The following ZNF536 variants were observed in gnomAD, a reference collection of about 807,000 sequenced individuals.
ZNF536 encodes zinc finger protein 536.
In ZNF536, 13 loss-of-function variants were observed where a neutral mutation model predicts 84.5. The observed-to-expected ratio is 0.15, with a 90% CI of 0.10 to 0.24. The LOEUF is 0.24. ZNF536 is among the 10% of genes least tolerant of loss of function. The pLI is 1.00. For synonymous variants in ZNF536, 811 were observed against 742.5 expected (o/e 1.09, Z -1.50); for missense variants, 1,536 against 1,747.5 (o/e 0.88, Z 2.16).
chr19:30,302,250 G>C (rs2046209989), intron 2 of ZNF536, among the ~76,000 whole-genome samples: 1 of 152,186 alleles, frequency 6.6e-6, no homozygotes, highest in Non-Finnish European at 1.5e-5. Context: ...GTCCTCGGGA[G>C]ATGGGAGGCT....
At chr19:30,384,259 T>TTCTTTCCTCCCTCCCTCCCTTC (rs1568378542) in intron 1 of ZNF536, among the ~76,000 whole-genome samples, 11 of 59,042 alleles carry the variant, frequency 1.9e-4, no homozygotes, top group Non-Finnish European at 2.8e-4. Context: ...TCCCTCCCTT[T>TTCTTTCCTCCCTCCCTCCCTTC]CTTCTTTCTT....
chr19:30,367,834 CACCTCG>C (rs1025386929), upstream of ZNF536, among the ~76,000 whole-genome samples: 2 of 152,220 alleles, frequency 1.3e-5, no homozygotes, highest in Non-Finnish European at 2.9e-5. Flanking sequence ...TCTTGCCTAC[CACCTCG>C]ATCTCTCTCT....
At chr19:30,373,872 G>C (rs1362315573) in intron 1 of ZNF536, among the ~76,000 whole-genome samples, 1 of 152,206 alleles carries the variant, frequency 6.6e-6, no homozygotes, top group African/African-American at 2.4e-5. Context: ...GCTGCAGTGG[G>C]AGCCGGGGCC....
chr19:30,658,606 G>C (rs919742124), intron 1 of ZNF536, among the ~76,000 whole-genome samples: 7 of 152,046 alleles, frequency 4.6e-5, no homozygotes, highest in Admixed American at 2.6e-4. Flanking sequence ...ATTCTTTGAT[G>C]ATTTCTTACC....
chr19:30,472,105 C>T (rs148492002), intron 2 of ZNF536, among the ~76,000 whole-genome samples: 5 of 152,316 alleles, frequency 3.3e-5, no homozygotes, highest in African/African-American at 4.8e-5. Context: ...AGAGTCCTCA[C>T]GATAGCAGGG....
rs1329992389 is a variant in ZNF536 at position 30,445,961 on chromosome 19, G to A, written c.2170+229G>A. ...TGAACACTGGCTACCAAGAAAGTAA[G>A]TTGAGGCCGGGTGTGGTGGCTCACG... On this transcript the variant is annotated intron_variant, in intron 2 of 4. Coordinates refer to ENST00000355537, the MANE Select transcript of ZNF536 (RefSeq NM_014717.3). This position sits in a 1 kb window ranked among gnomAD's most constrained non-coding sequence, Gnocchi z 4.5. Among the ~76,000 whole-genome samples the A allele has an allele frequency of 6.6e-6, 1 of 152,106 alleles. No individual in the cohort carries two copies. The highest frequency in any genetic ancestry group is 1.5e-5 in the Non-Finnish European group (1 of 68,012).
intron 1 of ZNF536, among the ~76,000 whole-genome samples, chr19:30,613,270 T>C (rs977429885): frequency 6.6e-6 from 1 of 152,214 alleles, no homozygotes; most frequent in African/African-American, 2.4e-5. Context: ...TGTGGGCAGA[T>C]ACTCTGAGAC....
At chr19:30,322,825 C>T (rs1290491763) in intron 2 of ZNF536, among the ~76,000 whole-genome samples, 1 of 152,036 alleles carries the variant, frequency 6.6e-6, no homozygotes, top group Non-Finnish European at 1.5e-5. Flanking sequence ...TGCGGTCCTG[C>T]CTCATGGAGA....
At chr19:30,627,987 T>TC (rs2048749440) in intron 1 of ZNF536, among the ~76,000 whole-genome samples, 1 of 152,052 alleles carries the variant, frequency 6.6e-6, no homozygotes, top group Admixed American at 6.5e-5. Flanking sequence ...AGAACCCGTG[T>TC]CCCCCGTACC....
intron 1 of ZNF536, among the ~76,000 whole-genome samples, chr19:30,567,527 G>A (rs1456044672): frequency 6.6e-6 from 1 of 152,124 alleles, no homozygotes; most frequent in East Asian, 1.9e-4. Context: ...GGGAAAAAAA[G>A]CAAAAATCTG....
At chr19:30,681,310 G>C (rs1020629761) in intron 1 of ZNF536, among the ~76,000 whole-genome samples, 5 of 152,190 alleles carry the variant, frequency 3.3e-5, no homozygotes, top group African/African-American at 1.2e-4. Context: ...GCCTGTGCAA[G>C]GTGCTGAGGA....
chr19:30,543,555 T>A (rs1453734778), intron 3 of ZNF536, among the ~76,000 whole-genome samples: 1 of 152,220 alleles, frequency 6.6e-6, no homozygotes, highest in Non-Finnish European at 1.5e-5. Context: ...TCCGGAGGCC[T>A]GGGATTTGCT....
At chr19:30,538,186 A>G (rs2045171390) in intron 3 of ZNF536, among the ~76,000 whole-genome samples, 1 of 152,176 alleles carries the variant, frequency 6.6e-6, no homozygotes, top group Admixed American at 6.5e-5. Flanking sequence ...CAAATACCAT[A>G]CAGTTTTTGT....
intron 2 of ZNF536, among the ~76,000 whole-genome samples, chr19:30,502,493 G>A (rs948370661): frequency 6.6e-6 from 1 of 152,146 alleles, no homozygotes; most frequent in African/African-American, 2.4e-5. Flanking sequence ...AGTCCACTGA[G>A]GGGAGAGAGA....
chr19:30,643,959 A>G (rs2049365651), intron 1 of ZNF536, among the ~76,000 whole-genome samples: 1 of 152,262 alleles, frequency 6.6e-6, no homozygotes, highest in Non-Finnish European at 1.5e-5. Context: ...AACCAAATTG[A>G]AAGGCAAACA....
intron 2 of ZNF536, among the ~76,000 whole-genome samples, chr19:30,457,272 C>T (rs2052899648): frequency 6.6e-6 from 1 of 152,236 alleles, no homozygotes; most frequent in Non-Finnish European, 1.5e-5. Context: ...AGGAGTAACT[C>T]TTTCCCTCTG....
chr19:30,345,614 G>A (rs2047716352), intron 2 of ZNF536, among the ~76,000 whole-genome samples: 1 of 152,230 alleles, frequency 6.6e-6, no homozygotes, highest in Admixed American at 6.5e-5. Context: ...TCCACTTTTA[G>A]AAATTTCAAA....
At chr19:30,320,670 G>A (rs1251835146) in intron 2 of ZNF536, among the ~76,000 whole-genome samples, 4 of 152,264 alleles carry the variant, frequency 2.6e-5, no homozygotes, top group African/African-American at 4.8e-5. Flanking sequence ...TGGAGCGTAC[G>A]TGGTATTTGG....
At chr19:30,611,853 A>G (rs763345919) in intron 1 of ZNF536, among the ~76,000 whole-genome samples, 5 of 152,218 alleles carry the variant, frequency 3.3e-5, no homozygotes, top group Non-Finnish European at 7.3e-5. Context: ...ACTCGTGTCA[A>G]TATCTGCTGC....
Sources: gnomAD v4.1 joint callset for allele counts (sites outside exome capture counted in the v4.1 genomes callset) on GRCh38, gnomAD v4.1.1 for gene constraint, Gnocchi (gnomAD v3.1) non-coding constraint, MANE v1.5 for transcripts, NCBI Gene and HGNC (gene_info 2026-07-23, HGNC 2026-07-21) for gene names.